CASQ2: variants seen among roughly 807,000 people sequenced by gnomAD.
The protein encoded by CASQ2 is calsequestrin 2.
Under a neutral mutation model 46.5 loss-of-function variants are expected in CASQ2, and 49 were observed. That is an observed-to-expected ratio of 1.05 (90% CI 0.84 to 1.34). The LOEUF (loss-of-function observed/expected upper bound fraction) is 1.34, where lower values mean the gene tolerates loss of function less well. Among genes scored for constraint, CASQ2 ranks in the 40% most tolerant of loss-of-function variants. CASQ2 has a pLI of 0.00. For missense variants in CASQ2, 486 were observed against 481.3 expected (o/e 1.01, Z -0.09); for synonymous variants, 174 against 168.5 (o/e 1.03, Z -0.25).
chr1:115,751,397 C>T (rs1456276183), intron 1 of CASQ2, among the ~76,000 whole-genome samples: 5 of 147,890 alleles, frequency 3.4e-5, no homozygotes, highest in Non-Finnish European at 7.5e-5. Context: ...GGGCCGGGCG[C>T]GGTGGCTCAC....
chr1:115,737,800 G>T (rs2101091408), intron 4 of CASQ2, among the ~76,000 whole-genome samples: 1 of 152,278 alleles, frequency 6.6e-6, no homozygotes, highest in African/African-American at 2.4e-5. Context: ...CCACTGCTAA[G>T]CCCATCCCTA....
At chr1:115,727,143 A>G (rs1274233315) in intron 5 of CASQ2, 21 bp from the exon 6 acceptor site, 1 of 1,583,594 alleles carries the variant, frequency 6.3e-7, no homozygotes, top group East Asian at 2.2e-5. Context: ...TAGAAATAAG[A>G]CAAAGTTTAT....
At chr1:115,736,770 T>C (rs1047533861) in intron 4 of CASQ2, among the ~76,000 whole-genome samples, 1 of 152,176 alleles carries the variant, frequency 6.6e-6, no homozygotes, top group Admixed American at 6.5e-5. Flanking sequence ...CATGTGATAA[T>C]GGGCAAGTTA....
chr1:115,754,978 G>A (rs1243417494), intron 1 of CASQ2, among the ~76,000 whole-genome samples: 1 of 152,190 alleles, frequency 6.6e-6, no homozygotes, highest in African/African-American at 2.4e-5. Flanking sequence ...TGATTCAGCA[G>A]GTCTGGGATG....
chr1:115,742,561 A>G (rs1648223609), intron 2 of CASQ2, among the ~76,000 whole-genome samples: 1 of 152,222 alleles, frequency 6.6e-6, no homozygotes, highest in Non-Finnish European at 1.5e-5. Context: ...GTTTCAGTGT[A>G]TCAAGCGCCA....
intron 4 of CASQ2, 21 bp downstream of exon 4, chr1:115,738,203 T>C (rs749211469): frequency 7.1e-7 from 1 of 1,416,638 alleles, no homozygotes; most frequent in East Asian, 2.3e-5. Flanking sequence ...ACTGATCGGC[T>C]GGGGTTGGCA....
intron 1 of CASQ2, among the ~76,000 whole-genome samples, chr1:115,746,638 A>G (rs1648399777): frequency 6.6e-6 from 1 of 152,184 alleles, no homozygotes; most frequent in Non-Finnish European, 1.5e-5. Flanking sequence ...CTCTACTATG[A>G]AATGCCTGTT....
intron 2 of CASQ2, among the ~76,000 whole-genome samples, chr1:115,744,193 A>G (rs2101100151): frequency 6.6e-6 from 1 of 152,122 alleles, no homozygotes; most frequent in South Asian, 2.1e-4. Context: ...CAGAGGAACT[A>G]CCTCCATTCT....
chr1:115,706,618 T>G (rs1329696483), intron 8 of CASQ2, among the ~76,000 whole-genome samples: 1 of 152,232 alleles, frequency 6.6e-6, no homozygotes, highest in Non-Finnish European at 1.5e-5. Context: ...TTCTAAATAA[T>G]AAAGTTACAT....
rs1570795757 is a variant in CASQ2, at chr1:115,705,055, C to A, written c.939+137G>T. On this transcript the variant is annotated intron_variant, in intron 9 of 10. Transcript: ENST00000261448. Reference sequence around the variant, plus strand: ...CCAAGTTCAATACTGCCCCAAGGGCCAAGACCTCCCACACTGGGTGAGGAC... The same window carrying A: ...CCAAGTTCAATACTGCCCCAAGGGCAAAGACCTCCCACACTGGGTGAGGAC... The A allele has an allele frequency of 6.9e-6, 5 of 729,176 alleles. No homozygotes were observed. In the East Asian group the frequency reaches 1.3e-4, roughly 19 times the overall value. 45.2% of individuals were successfully genotyped at this position (729,176 alleles called of 1,614,324 possible).
At chr1:115,703,355 T>A (rs150251913) in intron 9 of CASQ2, among the ~76,000 whole-genome samples, 2 of 152,144 alleles carry the variant, frequency 1.3e-5, no homozygotes, top group African/African-American at 4.8e-5. Context: ...TTGTGCTACA[T>A]GAGATAGCTG....
In CASQ2 at chr1:115,768,335, C is replaced by T. The variant is rs1649200270; in HGVS notation, c.207G>A (p.Gln69=). Residue 69 remains glutamine, a synonymous_variant, in exon 1 of 11, where the codon CAG becomes CAA. Coordinates refer to ENST00000261448, the MANE Select transcript of CASQ2 (RefSeq NM_001232.4). ...CAAGCACGATTTCTTTCAGTTGGAA[C>T]TGTTTTTGCGTGACCTTATCTGAAG... ...PVSSDKVTQK[Q]FQLKEIVLEL... The T allele has an allele frequency of 1.2e-6, 2 of 1,613,626 alleles. No individual in the cohort carries two copies. Among genetic ancestry groups the T allele is most frequent in the South Asian group, 1.1e-5 (1 of 91,072 alleles).
At chr1:115,738,042 CCTGA>C (rs1458823468) in intron 4 of CASQ2, among the ~76,000 whole-genome samples, 178 bp downstream of exon 4, 1 of 152,178 alleles carries the variant, frequency 6.6e-6, no homozygotes, top group Non-Finnish European at 1.5e-5. Context: ...TTGCAGCTTT[CCTGA>C]CTGTTTTGTA....
intron 7 of CASQ2, among the ~76,000 whole-genome samples, chr1:115,721,024 T>G (rs183164023): frequency 6.6e-6 from 1 of 152,220 alleles, no homozygotes. Context: ...CAGTCTCTGT[T>G]GAATGTTTGT....
intron 2 of CASQ2, among the ~76,000 whole-genome samples, 184 bp downstream of exon 2, chr1:115,744,644 T>C (rs895405548): frequency 6.6e-6 from 1 of 152,212 alleles, no homozygotes; most frequent in Non-Finnish European, 1.5e-5. Flanking sequence ...TGTGAAACCA[T>C]TCAATTCAGG....
intron 7 of CASQ2, among the ~76,000 whole-genome samples, chr1:115,720,140 A>T (rs1388832913): frequency 1.3e-5 from 2 of 152,198 alleles, no homozygotes; most frequent in East Asian, 3.9e-4. Context: ...CCCAAAGCCC[A>T]CTGTCTTGGT....
intron 3 of CASQ2, among the ~76,000 whole-genome samples, chr1:115,740,180 G>GT (rs1648129339): frequency 6.6e-6 from 1 of 152,230 alleles, no homozygotes; most frequent in African/African-American, 2.4e-5. Flanking sequence ...TACTGCAAGT[G>GT]TGAGTTTATC....
chr1:115,717,605 A>C (rs1654745400), intron 8 of CASQ2, among the ~76,000 whole-genome samples: 1 of 152,224 alleles, frequency 6.6e-6, no homozygotes, highest in Non-Finnish European at 1.5e-5. Flanking sequence ...ATTGCTGTGC[A>C]GCGCTGTAGG....
chr1:115,727,912 G>A (rs1647650298), intron 5 of CASQ2, among the ~76,000 whole-genome samples: 1 of 152,222 alleles, frequency 6.6e-6, no homozygotes, highest in Admixed American at 6.5e-5. Context: ...TGTTCAGTGT[G>A]TTGTCAAGGC....
Sources: gnomAD v4.1 joint callset for allele counts (sites outside exome capture counted in the v4.1 genomes callset) on GRCh38, gnomAD v4.1.1 for gene constraint, MANE v1.5 for transcripts, NCBI Gene and HGNC (gene_info 2026-07-23, HGNC 2026-07-21) for gene names.